GALK2: variants seen among roughly 807,000 people sequenced by gnomAD.
GALK2 encodes N-acetylgalactosamine kinase.
Under a neutral mutation model 52.4 loss-of-function variants are expected in GALK2, and 36 were observed. The observed-to-expected ratio is 0.69, with a 90% confidence interval of 0.53 to 0.91. GALK2 has a LOEUF of 0.91. Ranked by LOEUF, GALK2 falls within the 40% of genes least tolerant of loss-of-function variation. GALK2 has a pLI of 0.00. For missense variants in GALK2, 579 were observed against 559.1 expected, an observed-to-expected ratio of 1.04 and a Z score of -0.36; for synonymous variants, 176 against 199.1, an observed-to-expected ratio of 0.88 and a Z score of 0.98.
chr15:49,262,488 G>C (rs1313441786), intron 5 of GALK2, among the ~76,000 whole-genome samples: 1 of 152,030 alleles, frequency 6.6e-6, no homozygotes, highest in Non-Finnish European at 1.5e-5. Context: ...CTAGCGGTCT[G>C]TCAATTTTGT....
chr15:49,352,647 T>TA (rs2042418533), intron 3 of GALK2, among the ~76,000 whole-genome samples: 1 of 152,184 alleles, frequency 6.6e-6, no homozygotes. Context: ...TAAGCAAAAA[T>TA]AACTTAGTTA....
chr15:49,240,616 G>T (rs1006888992), intron 5 of GALK2, among the ~76,000 whole-genome samples: 1 of 152,180 alleles, frequency 6.6e-6, no homozygotes, highest in Non-Finnish European at 1.5e-5. Flanking sequence ...TTGATGGCAT[G>T]ATAACACTGA....
At chr15:49,256,968 C>A (rs2091840255) in intron 5 of GALK2, among the ~76,000 whole-genome samples, 1 of 152,074 alleles carries the variant, frequency 6.6e-6, no homozygotes. Flanking sequence ...TGAGTTTTAA[C>A]TTGAGATTCT....
At chr15:49,196,338 A>G (rs1310990213) in intron 1 of GALK2, among the ~76,000 whole-genome samples, 1 of 152,078 alleles carries the variant, frequency 6.6e-6, no homozygotes, top group Non-Finnish European at 1.5e-5. Flanking sequence ...TGTTATCATT[A>G]TTTTTAGATT....
intron 8 of GALK2, among the ~76,000 whole-genome samples, chr15:49,310,229 A>G (rs978296889): frequency 6.6e-6 from 1 of 152,036 alleles, no homozygotes; most frequent in Admixed American, 6.5e-5. Context: ...ATTCTTTTTT[A>G]TTGTTCAATA....
intron 3 of GALK2, among the ~76,000 whole-genome samples, chr15:49,232,903 T>TC (rs2090582952): frequency 6.6e-6 from 1 of 152,200 alleles, no homozygotes; most frequent in African/African-American, 2.4e-5. Flanking sequence ...AAGCAACCGT[T>TC]CAACAAGTCT....
intron 2 of GALK2, among the ~76,000 whole-genome samples, chr15:49,205,188 A>G (rs1187292682): frequency 6.6e-6 from 1 of 152,166 alleles, no homozygotes; most frequent in African/African-American, 2.4e-5. Flanking sequence ...CACTATAAAC[A>G]TGCGCGTGCA....
At position 49,324,133 on chromosome 15, in the gene GALK2, CTTG is replaced by C. The variant is rs546352620; in HGVS notation, c.1170-3815_1170-3813del. Among the ~76,000 whole-genome samples, 7 of 152,218 alleles carry C rather than the reference CTTG, an allele frequency of 4.6e-5. No individual in the cohort carries two copies. The East Asian group carries it at 1.4e-3, about 29-fold the overall frequency. ...AATGCCTTTTGTTTTTGTTTTGACA[CTTG>C]TTGAAGTTAGAGAGGATTAATTGCT... On this transcript the variant is annotated intron_variant, in intron 9 of 9. Coordinates refer to ENST00000560031, the MANE Select transcript of GALK2 (RefSeq NM_002044.4).
chr15:49,360,554 G>C (rs1206296047), intron 3 of GALK2, among the ~76,000 whole-genome samples: 2 of 130,472 alleles, frequency 1.5e-5, no homozygotes, highest in African/African-American at 5.7e-5. Flanking sequence ...AAGGGCTTGA[G>C]GTGGCTTATA....
chr15:49,331,690 G>A lies in GALK2; in HGVS notation c.*3531G>A. 1.3e-6 allele frequency: 1 copy of A among 783,828 alleles called. No individual in the cohort carries two copies. The highest frequency in any genetic ancestry group is 2.2e-6 in the Non-Finnish European group (1 of 447,708). 48.6% of individuals were successfully genotyped at this position (783,828 alleles called of 1,614,324 possible). A position where few individuals can be genotyped will look rare whatever the true frequency, so the allele number is the denominator to read the frequency against. ...TCTCCTGCCACTGTAATTTGGGTGT[G>A]CCACCATACATTGCTTATGAAATAT... On this transcript the variant is annotated 3_prime_UTR_variant, in exon 10 of 10. Transcript: ENST00000560031.
intron 8 of GALK2, among the ~76,000 whole-genome samples, chr15:49,310,484 C>T (rs560511649): frequency 6.6e-6 from 1 of 152,266 alleles, no homozygotes; most frequent in East Asian, 1.9e-4. Context: ...AATGGCTGTA[C>T]TAATTTACAT....
intron 1 of GALK2, among the ~76,000 whole-genome samples, chr15:49,182,616 G>T (rs2086059278): frequency 6.6e-6 from 1 of 152,128 alleles, no homozygotes; most frequent in East Asian, 1.9e-4. Flanking sequence ...AACAGTGTAT[G>T]AGGGTTCTCT....
At chr15:49,165,625 A>G (rs564140868), upstream of GALK2, among the ~76,000 whole-genome samples, 5 of 152,222 alleles carry the variant, frequency 3.3e-5, no homozygotes, top group East Asian at 9.6e-4. Context: ...TAAAATGTCA[A>G]TAATTTAAAA....
Position 49,329,129 on chromosome 15 carries a change from A to AT in GALK2, c.*971dup, listed in dbSNP as rs2151123538. The AT allele has an allele frequency of 1.0e-6, 1 of 991,892 alleles. No individual in the cohort carries two copies. The highest frequency in any genetic ancestry group is 4.6e-5 in the South Asian group (1 of 21,952). 61.4% of individuals were successfully genotyped at this position (991,892 alleles called of 1,614,324 possible). On this transcript the variant is annotated 3_prime_UTR_variant, in exon 10 of 10. Transcript: ENST00000560031. ...TGCTTGTCTAGCAAAGCTTGTTTGT[A>AT]TATATGCACCCCATTGTAAAGCAGG...
chr15:49,352,958 T>G (rs982870429), intron 3 of GALK2, among the ~76,000 whole-genome samples: 2 of 152,188 alleles, frequency 1.3e-5, no homozygotes, highest in Non-Finnish European at 2.9e-5. Context: ...TAGCTTTGCT[T>G]GGTCAACAGG....
At chr15:49,340,919 C>A (rs969174608) in intron 3 of GALK2, among the ~76,000 whole-genome samples, 7 of 152,074 alleles carry the variant, frequency 4.6e-5, no homozygotes, top group African/African-American at 1.7e-4. Flanking sequence ...AATATTTAAT[C>A]CATTTTGAGT....
intron 8 of GALK2, among the ~76,000 whole-genome samples, chr15:49,317,466 G>A (rs1208022119): frequency 6.6e-6 from 1 of 151,934 alleles, no homozygotes; most frequent in African/African-American, 2.4e-5. Flanking sequence ...TGTTGGGAAT[G>A]TAAATTAGTT....
chr15:49,263,878 C>A (rs1289934177), intron 5 of GALK2, among the ~76,000 whole-genome samples: 23 of 150,792 alleles, frequency 1.5e-4, no homozygotes, highest in East Asian at 7.8e-4. Flanking sequence ...TCTTTTCTTT[C>A]AGAATGTTGA....
chr15:49,313,869 C>T (rs148697094), intron 8 of GALK2, among the ~76,000 whole-genome samples: 54 of 152,006 alleles, frequency 3.6e-4, no homozygotes, highest in Non-Finnish European at 7.1e-4. Context: ...TCAGATGACT[C>T]AGTGCTTTTG....
Sources: allele counts gnomAD v4.1 joint callset (sites outside exome capture counted in the v4.1 genomes callset), GRCh38; gene constraint gnomAD v4.1.1; transcripts MANE v1.5; gene names NCBI Gene and HGNC (gene_info 2026-07-23, HGNC 2026-07-21).